DGKB: variants seen among roughly 807,000 people sequenced by gnomAD.
The protein encoded by DGKB is 90 kDa diacylglycerol kinase.
In DGKB, 67 loss-of-function variants were observed where a neutral mutation model predicts 114.3. The observed-to-expected ratio is 0.59, with a 90% CI of 0.48 to 0.72. The LOEUF (loss-of-function observed/expected upper bound fraction) is 0.72, where lower values mean the gene tolerates loss of function less well. Among genes scored for constraint, DGKB ranks in the 30% least tolerant of loss-of-function variants. DGKB has a pLI of 0.00. For missense variants in DGKB, 907 were observed against 975.2 expected, an observed-to-expected ratio of 0.93 and a Z score of 0.93; for synonymous variants, 398 against 323.1, an observed-to-expected ratio of 1.23 and a Z score of -2.49.
intron 17 of DGKB, among the ~76,000 whole-genome samples, chr7:14,594,434 G>A (rs772595361): frequency 6.6e-6 from 1 of 152,034 alleles, no homozygotes; most frequent in Non-Finnish European, 1.5e-5. Flanking sequence ...TTCTGATGTA[G>A]TAAGTTGAAA....
chr7:14,541,613 T>G (rs967082966), intron 20 of DGKB, among the ~76,000 whole-genome samples: 8 of 152,226 alleles, frequency 5.3e-5, no homozygotes, highest in African/African-American at 1.9e-4. Flanking sequence ...GAGAACCACA[T>G]AGAAGCAACC....
At chr7:14,834,371 T>A (rs1233364556) in intron 2 of DGKB, among the ~76,000 whole-genome samples, 1 of 152,152 alleles carries the variant, frequency 6.6e-6, no homozygotes, top group Non-Finnish European at 1.5e-5. Flanking sequence ...GCCAAATTAG[T>A]AGTTTTCACC....
chr7:14,165,563 A>G (rs1375595258), intron 25 of DGKB, among the ~76,000 whole-genome samples: 1 of 152,224 alleles, frequency 6.6e-6, no homozygotes, highest in Non-Finnish European at 1.5e-5. Context: ...CCCAAGTTAA[A>G]TTAAAAAATA....
chr7:14,856,114 G>C lies in DGKB; in HGVS notation c.-187-14664C>G, dbSNP rs76630456. On this transcript the variant is annotated intron_variant, in intron 1 of 25. Transcript: ENST00000402815. The stretch of plus-strand genomic sequence containing the variant: ...ATGACAGATAAAATCAGATCTAAAA[G>C]TCAGATATAAGTCTAATGGCATTAA... 8.2e-3 allele frequency among the ~76,000 whole-genome samples: 1,248 copies of C among 151,950 alleles called. 12 individuals carry two copies. The highest frequency in any genetic ancestry group is 0.024 in the East Asian group (126 of 5,174).
Position 14,146,610 on chromosome 7 carries a change from T to C in DGKB, c.*2521A>G, listed in dbSNP as rs1446133766. The C allele has an allele frequency of 6.6e-6, 1 of 152,176 alleles. No individual in the cohort carries two copies. The highest frequency in any genetic ancestry group is 1.5e-5 in the Non-Finnish European group (1 of 68,012). 9.4% of individuals were successfully genotyped at this position (152,176 alleles called of 1,614,324 possible). The stretch of plus-strand genomic sequence containing the variant: ...AAACTGATGAGAATATCTTCTCTGA[T>C]TTCAAACCCATCAAGTTACGTTTTT... On this transcript the variant is annotated 3_prime_UTR_variant, in exon 26 of 26. Transcript: ENST00000402815.
chr7:14,781,262 C>G (rs1019242806), intron 2 of DGKB, among the ~76,000 whole-genome samples: 1 of 152,180 alleles, frequency 6.6e-6, no homozygotes, highest in Non-Finnish European at 1.5e-5. Flanking sequence ...GTATTTCACT[C>G]CTACATGGGA....
chr7:14,381,670 G>A (rs979753426), intron 21 of DGKB, among the ~76,000 whole-genome samples: 4 of 152,088 alleles, frequency 2.6e-5, no homozygotes, highest in East Asian at 1.9e-4. Context: ...ATCCACAGGC[G>A]TGATCATATT....
chr7:14,479,516 A>G lies in DGKB; in HGVS notation c.1771-1291T>C, dbSNP rs1782679941. 2.0e-5 allele frequency among the ~76,000 whole-genome samples: 3 copies of G among 152,156 alleles called. No individual in the cohort carries two copies. The South Asian group carries it at 6.2e-4, about 32-fold the overall frequency. Reference sequence around the variant, plus strand: ...AAACAATGCTTATAATAAAGGTTACAAAAATCCCCCTCTACGGTTTAATAT... The same window carrying G: ...AAACAATGCTTATAATAAAGGTTACGAAAATCCCCCTCTACGGTTTAATAT... On this transcript the variant is annotated intron_variant, in intron 20 of 25. Transcript: ENST00000402815.
chr7:14,514,107 C>A (rs1488056767), intron 20 of DGKB, among the ~76,000 whole-genome samples: 2 of 151,988 alleles, frequency 1.3e-5, no homozygotes. Flanking sequence ...AACTTGAGAA[C>A]TGATTTGATT....
chr7:14,740,948 A>G (rs796310714), intron 4 of DGKB, among the ~76,000 whole-genome samples: 7 of 152,276 alleles, frequency 4.6e-5, no homozygotes, highest in African/African-American at 1.7e-4. Flanking sequence ...ATTCGATAGG[A>G]AGAGAAAGGA....
Position 14,338,667 on chromosome 7 carries a change from C to A in DGKB, c.1970G>T (p.Gly657Val). 6.3e-7 allele frequency: 1 copy of A among 1,595,330 alleles called. No individual in the cohort carries two copies. The highest frequency in any genetic ancestry group is 8.5e-7 in the Non-Finnish European group (1 of 1,170,504). The change falls in exon 23 of 26, where the codon GGA (glycine) becomes GTA (valine). Residue 657 changes from glycine (G) to valine (V), a missense_variant. Coordinates refer to ENST00000402815, the MANE Select transcript of DGKB (RefSeq NM_001350709.2). The stretch of plus-strand genomic sequence containing the variant: ...GCTTGGTATATTCAAAATAGCAATT[C>A]CTTCCAGAGAGATGTTTATTAAATC... ...QIDLINISLEGIAILNIPSMH... is the reference protein window; with the variant it reads ...QIDLINISLEVIAILNIPSMH...
At chr7:14,197,486 T>A (rs1785194652) in intron 23 of DGKB, among the ~76,000 whole-genome samples, 1 of 152,106 alleles carries the variant, frequency 6.6e-6, no homozygotes, top group South Asian at 2.1e-4. Flanking sequence ...CCTTATTCAG[T>A]GCCTTGTTGG....
chr7:14,413,338 T>C (rs1010074714), intron 21 of DGKB, among the ~76,000 whole-genome samples: 2 of 152,090 alleles, frequency 1.3e-5, no homozygotes, highest in African/African-American at 4.8e-5. Context: ...TTGCCATTCA[T>C]GGAGATGGGA....
chr7:14,215,751 T>A (rs1480881537), intron 23 of DGKB, among the ~76,000 whole-genome samples: 1 of 152,090 alleles, frequency 6.6e-6, no homozygotes, highest in East Asian at 1.9e-4. Context: ...ATAATAACAG[T>A]AACTAGAAGT....
intron 13 of DGKB, among the ~76,000 whole-genome samples, chr7:14,669,220 T>G (rs926367484): frequency 6.6e-6 from 1 of 152,212 alleles, no homozygotes; most frequent in Non-Finnish European, 1.5e-5. Context: ...AAAATATAAG[T>G]CAGATAATTT....
At chr7:14,542,678 A>G (rs984838445) in intron 20 of DGKB, among the ~76,000 whole-genome samples, 35 of 152,212 alleles carry the variant, frequency 2.3e-4, no homozygotes, top group African/African-American at 8.4e-4. Flanking sequence ...GTCCAAGCAC[A>G]GAATTCAAGG....
Position 14,694,115 on chromosome 7 carries a change from A to T in DGKB, c.671T>A (p.Met224Lys). 1 of 1,593,432 alleles carries T rather than the reference A, an allele frequency of 6.3e-7. No homozygotes were observed. Among genetic ancestry groups the T allele is most frequent in the South Asian group, 1.1e-5 (1 of 87,474 alleles). The change falls in exon 9 of 26, where the codon ATG (methionine) becomes AAG (lysine). Residue 224 changes from methionine (M) to lysine (K), a missense_variant. Coordinates refer to ENST00000402815, the MANE Select transcript of DGKB (RefSeq NM_001350709.2). ...VSLEEWIQGG[M>K]TTIPLLVLLG... is the part of the protein sequence containing the mutation. Reference sequence around the variant, plus strand: ...GAGCACAAGAAGTGGAATCGTTGTCATTCCTCCTTGAATCCATTCCTCCAG... The same window carrying T: ...GAGCACAAGAAGTGGAATCGTTGTCTTTCCTCCTTGAATCCATTCCTCCAG...
intron 23 of DGKB, among the ~76,000 whole-genome samples, chr7:14,282,580 T>C (rs1288107511): frequency 6.6e-6 from 1 of 151,124 alleles, no homozygotes; most frequent in Non-Finnish European, 1.5e-5. Flanking sequence ...TTTAGACCAA[T>C]ATCCTTGATG....
intron 4 of DGKB, among the ~76,000 whole-genome samples, chr7:14,749,943 A>T (rs551615539): frequency 5.9e-5 from 9 of 152,208 alleles, no homozygotes; most frequent in Non-Finnish European, 1.0e-4. Flanking sequence ...CTGAAGGGCT[A>T]TATGATCCAA....
Sources: allele counts gnomAD v4.1 joint callset (sites outside exome capture counted in the v4.1 genomes callset), GRCh38; gene constraint gnomAD v4.1.1; transcripts MANE v1.5; gene names NCBI Gene and HGNC (gene_info 2026-07-23, HGNC 2026-07-21).